ZMYND8: variants seen among roughly 807,000 people sequenced by gnomAD.
ZMYND8 encodes the protein zinc finger MYND-type containing 8, also known as MYND-type zinc finger-containing chromatin reader ZMYND8.
ZMYND8 carries 37 observed loss-of-function variants against 140.8 expected under a neutral mutation model. That is an observed-to-expected ratio of 0.26 (90% CI 0.20 to 0.35). The LOEUF (loss-of-function observed/expected upper bound fraction) is 0.35, where lower values mean the gene tolerates loss of function less well. Among genes scored for constraint, ZMYND8 ranks in the 10% least tolerant of loss-of-function variants. The pLI is 1.00. For missense variants in ZMYND8, 1,068 were observed against 1,570.0 expected (o/e 0.68, Z 5.40); for synonymous variants, 592 against 597.1 (o/e 0.99, Z 0.12).
chr20:47,356,527 G>C, intron 1 of ZMYND8, 130 bp downstream of exon 1: 1 of 1,611,108 alleles, frequency 6.2e-7, no homozygotes, highest in South Asian at 1.1e-5. Context: ...TCTCTAAACA[G>C]TTCCAAGTTA....
At chr20:47,253,825 G>A (rs1475481281) in intron 12 of ZMYND8, among the ~76,000 whole-genome samples, 3 of 152,200 alleles carry the variant, frequency 2.0e-5, no homozygotes, top group African/African-American at 4.8e-5. Flanking sequence ...AAAAGACTGA[G>A]CACTGGAATG....
At chr20:47,251,778 T>G (rs537941321) in intron 12 of ZMYND8, among the ~76,000 whole-genome samples, 1 of 148,866 alleles carries the variant, frequency 6.7e-6, no homozygotes, top group East Asian at 2.0e-4. Flanking sequence ...AAGCAAGGAG[T>G]GCATCTCTGC....
intron 2 of ZMYND8, among the ~76,000 whole-genome samples, chr20:47,313,378 T>A (rs1433812081): frequency 6.6e-6 from 1 of 152,036 alleles, no homozygotes; most frequent in Non-Finnish European, 1.5e-5. Context: ...ATCCCAGCAC[T>A]TTGGGAGGCC....
intron 10 of ZMYND8, among the ~76,000 whole-genome samples, chr20:47,280,191 A>C (rs1444600103): frequency 6.6e-6 from 1 of 151,746 alleles, no homozygotes; most frequent in East Asian, 1.9e-4. Flanking sequence ...AAACATCCCA[A>C]GACCTCCAAA....
intron 6 of ZMYND8, 78 bp from the exon 7 acceptor site, chr20:47,290,352 A>AT: frequency 7.5e-7 from 1 of 1,326,758 alleles, no homozygotes; most frequent in Non-Finnish European, 1.1e-6. Flanking sequence ...TCCCCACATA[A>AT]TTTTTGTAGC....
rs949497405 is a variant in ZMYND8 at position 47,297,190 on chromosome 20, C to T, written c.453+1539G>A. ...TCCATCTAGAGTAACCCAAAGAGAACGGCAGCCGCCTTTTGCCATTTTAGA... is the reference window on the plus strand; with the variant it reads ...TCCATCTAGAGTAACCCAAAGAGAATGGCAGCCGCCTTTTGCCATTTTAGA... On this transcript the variant is annotated intron_variant, in intron 4 of 22. Transcript: ENST00000471951. Among the ~76,000 whole-genome samples the T allele has an allele frequency of 4.6e-5, 7 of 152,248 alleles. 1 individual carries two copies. The South Asian group carries it at 6.2e-4, about 14-fold the overall frequency.
At chr20:47,300,279 T>C (rs964266560) in intron 3 of ZMYND8, among the ~76,000 whole-genome samples, 7 of 152,212 alleles carry the variant, frequency 4.6e-5, no homozygotes, top group Admixed American at 3.3e-4. Flanking sequence ...CTCAACCCAC[T>C]TTGAGCCTCA....
intron 3 of ZMYND8, among the ~76,000 whole-genome samples, chr20:47,307,915 C>T (rs1172474420): frequency 1.3e-5 from 2 of 151,644 alleles, no homozygotes; most frequent in African/African-American, 2.4e-5. Flanking sequence ...GTCAGGAGTT[C>T]GAGACCAGCC....
Position 47,350,027 on chromosome 20 carries a change from C to T in ZMYND8, c.15-2101G>A, listed in dbSNP as rs2082643361. On this transcript the variant is annotated intron_variant, in intron 1 of 22. Transcript: ENST00000471951. ...AAAATGCAAACTAGTTATGTGGTGG[C>T]TATTTGCTTCTGAGTTTTAAGATAA... is the stretch of plus-strand genomic sequence containing the variant. 6 of 1,456,650 alleles carry T rather than the reference C, an allele frequency of 4.1e-6. No homozygotes were observed. In the South Asian group the frequency reaches 6.9e-5, roughly 17 times the overall value. 90.2% of individuals were successfully genotyped at this position (1,456,650 alleles called of 1,614,324 possible). A position where few individuals can be genotyped will look rare whatever the true frequency, so the allele number is the denominator to read the frequency against.
chr20:47,342,237 A>G (rs939628050), intron 2 of ZMYND8, among the ~76,000 whole-genome samples: 3 of 151,796 alleles, frequency 2.0e-5, no homozygotes, highest in South Asian at 2.1e-4. Context: ...TTCTAATACT[A>G]TTCTCCAATA....
At chr20:47,255,722 G>GTGTGTATA (rs1458176502) in intron 12 of ZMYND8, among the ~76,000 whole-genome samples, 3 of 77,762 alleles carry the variant, frequency 3.9e-5, no homozygotes, top group Admixed American at 1.7e-4. Context: ...GTGTATGTGT[G>GTGTGTATA]TATATATATA....
chr20:47,215,255 C>G (rs903645141), intron 21 of ZMYND8, among the ~76,000 whole-genome samples: 1 of 152,118 alleles, frequency 6.6e-6, no homozygotes, highest in Non-Finnish European at 1.5e-5. Context: ...TTCCTGTAAT[C>G]TCAGCTGCTC....
intron 11 of ZMYND8, among the ~76,000 whole-genome samples, chr20:47,268,986 A>T (rs1201581120): frequency 1.3e-5 from 2 of 152,154 alleles, no homozygotes; most frequent in African/African-American, 2.4e-5. Flanking sequence ...AGATCATCTG[A>T]GGTCAGGAGT....
chr20:47,270,530 A>ATGTAG (rs1188785057), intron 11 of ZMYND8, among the ~76,000 whole-genome samples: 1 of 151,666 alleles, frequency 6.6e-6, no homozygotes, highest in African/African-American at 2.4e-5. Context: ...ATTTAATGTG[A>ATGTAG]TGTAGCTTTT....
At chr20:47,218,151 C>T (rs1412060053) in intron 21 of ZMYND8, among the ~76,000 whole-genome samples, 1 of 152,196 alleles carries the variant, frequency 6.6e-6, no homozygotes, top group Admixed American at 6.5e-5. Context: ...AGTTTCTTGA[C>T]CCTGGTCTAG....
chr20:47,230,789 C>CATT (rs1183075666), intron 16 of ZMYND8, among the ~76,000 whole-genome samples: 2 of 152,102 alleles, frequency 1.3e-5, no homozygotes, highest in Non-Finnish European at 2.9e-5. Context: ...ACAACATTTT[C>CATT]ATTACCCCAA....
intron 21 of ZMYND8, among the ~76,000 whole-genome samples, chr20:47,217,132 TAAGGAGGTAGG>T (rs1226026125): frequency 1.3e-5 from 2 of 151,660 alleles, no homozygotes; most frequent in East Asian, 3.9e-4. Context: ...TTAAGCTGGG[TAAGGAGGTAGG>T]AAGGAGGGAG....
At chr20:47,220,237 G>C in intron 21 of ZMYND8, 21 bp downstream of exon 21, 1 of 1,552,124 alleles carries the variant, frequency 6.4e-7, no homozygotes, top group Non-Finnish European at 8.7e-7. Context: ...AGCACCGTTC[G>C]CCCACCAGGG....
intron 21 of ZMYND8, among the ~76,000 whole-genome samples, chr20:47,218,396 G>A (rs951648052): frequency 3.3e-5 from 5 of 152,094 alleles, no homozygotes; most frequent in Non-Finnish European, 7.4e-5. Context: ...GTGCCATTTC[G>A]ACACATCCAT....
Sources: gnomAD v4.1 joint callset for allele counts (sites outside exome capture counted in the v4.1 genomes callset) on GRCh38, gnomAD v4.1.1 for gene constraint, MANE v1.5 for transcripts, NCBI Gene and HGNC (gene_info 2026-07-23, HGNC 2026-07-21) for gene names.